NCOA3: variants seen among roughly 807,000 people sequenced by gnomAD.
NCOA3 encodes the protein CBP-interacting protein.
A neutral mutation model predicts 158.8 loss-of-function variants in NCOA3; 51 were observed. The ratio of observed to expected loss-of-function variants is 0.32; its 90% CI spans 0.26 to 0.41. The LOEUF (loss-of-function observed/expected upper bound fraction) is 0.41, where lower values mean the gene tolerates loss of function less well. Ranked by LOEUF, NCOA3 falls within the 10% of genes least tolerant of loss-of-function variation. The pLI is 1.00. For synonymous variants in NCOA3, 537 were observed against 592.4 expected (o/e 0.91, Z 1.36); for missense variants, 1,510 against 1,746.6 (o/e 0.86, Z 2.41).
intron 1 of NCOA3, among the ~76,000 whole-genome samples, chr20:47,526,103 C>T (rs1225898444): frequency 8.1e-5 from 12 of 148,410 alleles, no homozygotes; most frequent in African/African-American, 1.2e-4. Context: ...CGGGCAGAGA[C>T]GCTCCTCACA....
intron 1 of NCOA3, among the ~76,000 whole-genome samples, chr20:47,514,002 A>G (rs1243113022): frequency 3.9e-5 from 6 of 152,176 alleles, no homozygotes; most frequent in African/African-American, 9.6e-5. Flanking sequence ...CTAGGGTAAC[A>G]ATGGTTCCAG....
intron 2 of NCOA3, among the ~76,000 whole-genome samples, chr20:47,584,447 C>G (rs2146224291): frequency 6.6e-6 from 1 of 152,084 alleles, no homozygotes; most frequent in South Asian, 2.1e-4. Context: ...TGGTGAAGCT[C>G]CGTCTCTACT....
At chr20:47,559,364 G>GT (rs1298401317) in intron 1 of NCOA3, among the ~76,000 whole-genome samples, 1 of 152,132 alleles carries the variant, frequency 6.6e-6, no homozygotes, top group Non-Finnish European at 1.5e-5. Context: ...GGCAGCTGGT[G>GT]TTTATCTTTT....
intron 2 of NCOA3, among the ~76,000 whole-genome samples, chr20:47,600,637 C>T (rs980751369): frequency 6.6e-6 from 1 of 151,482 alleles, no homozygotes. Flanking sequence ...ACCTAAGCCA[C>T]CCAAGTAGCT....
At chr20:47,563,451 G>A (rs962067077) in intron 1 of NCOA3, among the ~76,000 whole-genome samples, 1 of 152,080 alleles carries the variant, frequency 6.6e-6, no homozygotes, top group African/African-American at 2.4e-5. Context: ...CTCAATTTTG[G>A]TGTGAACCTA....
chr20:47,600,215 C>T (rs1312439548), intron 2 of NCOA3, among the ~76,000 whole-genome samples: 1 of 150,070 alleles, frequency 6.7e-6, no homozygotes, highest in Non-Finnish European at 1.5e-5. Flanking sequence ...TGCTGTGTTG[C>T]CCAGGCTGGA....
chr20:47,584,961 T>TA (rs1193598014), intron 2 of NCOA3, among the ~76,000 whole-genome samples: 2 of 152,090 alleles, frequency 1.3e-5, no homozygotes, highest in Non-Finnish European at 2.9e-5. Context: ...TAGCCTAACT[T>TA]ACATTTGCTG....
rs1435876789 is a variant in NCOA3, at chr20:47,636,006, T to C, written c.1620T>C (p.Thr540=). 1 of 1,614,164 alleles carries C rather than the reference T, an allele frequency of 6.2e-7. No individual in the cohort carries two copies. Among genetic ancestry groups the C allele is most frequent in the South Asian group, 1.1e-5 (1 of 91,082 alleles). The part of the protein sequence containing the change: ...SEGVGTSLLS[T]LSSPGPKLDN... ...GTGTGGGGACTTCCCTTTTATCTAC[T>C]CTGTCATCACCAGGCCCCAAATTGG... is the stretch of plus-strand genomic sequence containing the variant. Residue 540 remains threonine (T), a synonymous_variant, in exon 12 of 23, where the codon ACT becomes ACC. Transcript: ENST00000371998.
chr20:47,526,432 C>T (rs1198342862), intron 1 of NCOA3, among the ~76,000 whole-genome samples: 2 of 151,932 alleles, frequency 1.3e-5, no homozygotes, highest in Non-Finnish European at 2.9e-5. Flanking sequence ...GAGGTTGTAG[C>T]GAGCCGAGAT....
chr20:47,602,169 G>A (rs1452590922), intron 2 of NCOA3, among the ~76,000 whole-genome samples: 1 of 152,162 alleles, frequency 6.6e-6, no homozygotes, highest in Admixed American at 6.5e-5. Flanking sequence ...TACAAATAAT[G>A]TAACACATTC....
intron 2 of NCOA3, among the ~76,000 whole-genome samples, chr20:47,585,405 A>G (rs1022992247): frequency 2.6e-5 from 4 of 152,114 alleles, no homozygotes; most frequent in African/African-American, 4.8e-5. Flanking sequence ...AAAGCTGTCT[A>G]GTTGCCGAGA....
chr20:47,525,765 A>AC (rs1198085572), intron 1 of NCOA3, among the ~76,000 whole-genome samples: 17 of 64,524 alleles, frequency 2.6e-4, no homozygotes, highest in East Asian at 9.9e-4. Flanking sequence ...CGGGGGGCTG[A>AC]CCCCCCCCAC....
rs577827491 is a variant in NCOA3, at chr20:47,524,268, T to G, written c.-99+22249T>G. On this transcript the variant is annotated intron_variant, in intron 1 of 22. Coordinates refer to ENST00000371998, the MANE Select transcript of NCOA3 (RefSeq NM_181659.3). ...TACTGCCTGCCGTGATTCACAATCT[T>G]TTCTAACATACCTGTTTCCCTGAAC... Among the ~76,000 whole-genome samples, 6 of 147,308 alleles carry G rather than the reference T, an allele frequency of 4.1e-5. No individual in the cohort carries two copies. The East Asian group carries it at 5.9e-4, about 14-fold the overall frequency.
At chr20:47,564,908 C>G (rs988115595) in intron 1 of NCOA3, among the ~76,000 whole-genome samples, 1 of 151,684 alleles carries the variant, frequency 6.6e-6, no homozygotes, top group African/African-American at 2.4e-5. Context: ...TTGTAAAGCT[C>G]CTATGTATCC....
chr20:47,653,516 G>C lies in NCOA3; in HGVS notation c.*99G>C. On this transcript the variant is annotated 3_prime_UTR_variant, in exon 23 of 23. Transcript: ENST00000371998. ...ATTGTTCCAGGCATCCATCTTGGAAGAAAGGACCAGCTTTGAGCTCCATCA... is the reference window on the plus strand; with the variant it reads ...ATTGTTCCAGGCATCCATCTTGGAACAAAGGACCAGCTTTGAGCTCCATCA... The C allele has an allele frequency of 7.9e-6, 11 of 1,388,240 alleles. No homozygotes were observed. Among genetic ancestry groups the C allele is most frequent in the Non-Finnish European group, 1.1e-5 (11 of 992,980 alleles). 86.0% of individuals were successfully genotyped at this position (1,388,240 alleles called of 1,614,324 possible).
chr20:47,642,186 T>C, intron 16 of NCOA3, 27 bp from the exon 17 acceptor site: 1 of 1,527,108 alleles, frequency 6.5e-7, no homozygotes. Context: ...AAAGCACCAT[T>C]GACATTGATT....
chr20:47,513,170 A>G (rs1375936473), intron 1 of NCOA3, among the ~76,000 whole-genome samples: 1 of 152,130 alleles, frequency 6.6e-6, no homozygotes, highest in Non-Finnish European at 1.5e-5. Context: ...CTCTGTCTCA[A>G]AAAAATTAAA....
chr20:47,558,906 C>T (rs576696390), intron 1 of NCOA3, among the ~76,000 whole-genome samples: 6 of 149,024 alleles, frequency 4.0e-5, no homozygotes, highest in South Asian at 4.3e-4. Flanking sequence ...AAGTTATGCA[C>T]GACATCTGGA....
chr20:47,609,861 C>T (rs1362959277), intron 2 of NCOA3, among the ~76,000 whole-genome samples: 2 of 151,602 alleles, frequency 1.3e-5, no homozygotes, highest in East Asian at 3.9e-4. Flanking sequence ...ATGTACTTCT[C>T]CTCCTCTTTG....
Sources: gnomAD v4.1 joint callset for allele counts (sites outside exome capture counted in the v4.1 genomes callset) on GRCh38, gnomAD v4.1.1 for gene constraint, MANE v1.5 for transcripts, NCBI Gene and HGNC (gene_info 2026-07-23, HGNC 2026-07-21) for gene names.